The following ANO2 variants were observed in gnomAD, a reference collection of about 807,000 sequenced individuals.
ANO2 encodes anoctamin-2.
In ANO2, 101 loss-of-function variants were observed where a neutral mutation model predicts 124.2. That is an observed-to-expected ratio of 0.81 (90% CI 0.69 to 0.96). ANO2 has a LOEUF of 0.96. Ranked by LOEUF, ANO2 falls within the 40% of genes least tolerant of loss-of-function variation. The pLI is 0.00. For synonymous variants in ANO2, 486 were observed against 482.5 expected, an observed-to-expected ratio of 1.01 and a Z score of -0.09; for missense variants, 1,293 against 1,274.5, an observed-to-expected ratio of 1.01 and a Z score of -0.22.
chr12:5,609,950 A>C (rs2136900082), intron 19 of ANO2, among the ~76,000 whole-genome samples: 1 of 144,562 alleles, frequency 6.9e-6, no homozygotes, highest in East Asian at 2.0e-4. Context: ...TATTTTATAA[A>C]ATGTATACAT....
At chr12:5,741,883 ATT>A (rs892516566) in intron 12 of ANO2, among the ~76,000 whole-genome samples, 13 of 152,286 alleles carry the variant, frequency 8.5e-5, no homozygotes, top group Admixed American at 6.5e-4. Flanking sequence ...TTAGGTTCAC[ATT>A]TACCTGCCAT....
At chr12:5,822,681 G>C (rs961440780) in intron 7 of ANO2, among the ~76,000 whole-genome samples, 38 of 152,216 alleles carry the variant, frequency 2.5e-4, no homozygotes. Flanking sequence ...ATCATGGAAA[G>C]GGCAGAGGTT....
chr12:5,587,942 C>T (rs185464214), intron 20 of ANO2, among the ~76,000 whole-genome samples: 1 of 152,326 alleles, frequency 6.6e-6, no homozygotes, highest in African/African-American at 2.4e-5. Context: ...ACATCTCCCC[C>T]TGCTGCCTCC....
At chr12:5,564,833 G>A (rs934764859) in intron 24 of ANO2, among the ~76,000 whole-genome samples, 1 of 152,176 alleles carries the variant, frequency 6.6e-6, no homozygotes, top group African/African-American at 2.4e-5. Context: ...TTCTGGGCTG[G>A]GGTCTGGGGG....
intron 1 of ANO2, among the ~76,000 whole-genome samples, 159 bp from the exon 2 acceptor site, chr12:5,922,963 A>G (rs12817045): frequency 0.6 from 91,014 of 151,304 alleles, 27,808 homozygotes; most frequent in East Asian, 0.8. Flanking sequence ...GTTCACACTG[A>G]CCACAAGGAA....
At chr12:5,937,397 T>A (rs1472695146) in intron 1 of ANO2, among the ~76,000 whole-genome samples, 1 of 152,238 alleles carries the variant, frequency 6.6e-6, no homozygotes, top group Non-Finnish European at 1.5e-5. Context: ...GCCTATTTTT[T>A]AATTAGGTTA....
At chr12:5,773,921 T>C (rs1952155259) in intron 10 of ANO2, among the ~76,000 whole-genome samples, 1 of 152,182 alleles carries the variant, frequency 6.6e-6, no homozygotes, top group South Asian at 2.1e-4. Flanking sequence ...AATGACCTTA[T>C]CTCATTGAGT....
At chr12:5,808,057 AT>A (rs1158479262) in intron 7 of ANO2, among the ~76,000 whole-genome samples, 1 of 152,248 alleles carries the variant, frequency 6.6e-6, no homozygotes, top group African/African-American at 2.4e-5. Context: ...GTGTTTGTGT[AT>A]TCTTGCACTT....
chr12:5,734,266 T>C (rs1198588261), intron 13 of ANO2, among the ~76,000 whole-genome samples: 1 of 152,272 alleles, frequency 6.6e-6, no homozygotes, highest in African/African-American at 2.4e-5. Flanking sequence ...AACTTTTGCC[T>C]GTAACAATTA....
At chr12:5,655,833 G>A (rs879936667) in intron 14 of ANO2, among the ~76,000 whole-genome samples, 18 of 152,284 alleles carry the variant, frequency 1.2e-4, no homozygotes, top group East Asian at 1.9e-4. Flanking sequence ...CTCTCATGTC[G>A]TGCAATGCTC....
chr12:5,915,665 G>A (rs1367156030), intron 3 of ANO2, among the ~76,000 whole-genome samples: 2 of 152,172 alleles, frequency 1.3e-5, no homozygotes, highest in Admixed American at 6.5e-5. Context: ...CTGCCACCAG[G>A]TGCAGTCAAG....
Position 5,769,842 on chromosome 12 carries a change from TC to T in ANO2, c.1056-18873del, listed in dbSNP as rs1952017741. Among the ~76,000 whole-genome samples, 2 of 152,162 alleles carry T rather than the reference TC, an allele frequency of 1.3e-5. No homozygotes were observed. Among genetic ancestry groups the T allele is most frequent in the African/African-American group, 4.8e-5 (2 of 41,434 alleles). On this transcript the variant is annotated intron_variant, in intron 10 of 24. Coordinates refer to ENST00000682330, the MANE Select transcript of ANO2 (RefSeq NM_001364791.2). The surrounding 1 kb of genome is among the most constrained non-coding windows in gnomAD (Gnocchi z 4.0). ...AACAAATGGCTTGTGAAGGGTCCTT[TC>T]CCTGGGTATTATACACAGCCCCACC...
intron 14 of ANO2, among the ~76,000 whole-genome samples, chr12:5,669,571 T>C (rs898820358): frequency 6.6e-6 from 1 of 152,228 alleles, no homozygotes; most frequent in South Asian, 2.1e-4. Flanking sequence ...TCCAATACTA[T>C]GTTGAATAGG....
At chr12:5,920,076 GATGGATGC>G (rs1445731977) in intron 3 of ANO2, among the ~76,000 whole-genome samples, 4 of 108,840 alleles carry the variant, frequency 3.7e-5, no homozygotes, top group African/African-American at 8.5e-5. Context: ...TGGATGGATG[GATGGATGC>G]ATGCATGCAT....
chr12:5,795,001 G>A (rs138317550), intron 10 of ANO2, among the ~76,000 whole-genome samples: 1,530 of 152,274 alleles, frequency 0.01, 27 homozygotes, highest in African/African-American at 0.034. Flanking sequence ...TGGCTTCCTC[G>A]GTCTCCCTCC....
intron 12 of ANO2, chr12:5,740,118 C>T (rs1197516869): frequency 7.6e-6 from 3 of 395,574 alleles, no homozygotes; most frequent in Non-Finnish European, 1.5e-5. Context: ...GAACCTGATA[C>T]CCCCACGAGC....
chr12:5,655,444 G>A (rs1029543833), intron 14 of ANO2, among the ~76,000 whole-genome samples: 3 of 152,190 alleles, frequency 2.0e-5, no homozygotes, highest in African/African-American at 7.2e-5. Context: ...CTCTGGAATG[G>A]GGCCTGAGAA....
intron 4 of ANO2, among the ~76,000 whole-genome samples, chr12:5,839,231 A>G (rs1205638188): frequency 6.6e-6 from 1 of 152,152 alleles, no homozygotes; most frequent in African/African-American, 2.4e-5. Context: ...GGAGAGCAAG[A>G]CAACTAGAGT....
chr12:5,941,690 C>G (rs973166548), intron 1 of ANO2, among the ~76,000 whole-genome samples: 2 of 148,868 alleles, frequency 1.3e-5, no homozygotes, highest in Non-Finnish European at 3.0e-5. Flanking sequence ...GAAAACCACA[C>G]CTAGATACAT....
Sources: gnomAD v4.1 joint callset for allele counts (sites outside exome capture counted in the v4.1 genomes callset) on GRCh38, gnomAD v4.1.1 for gene constraint, Gnocchi (gnomAD v3.1) non-coding constraint, MANE v1.5 for transcripts, NCBI Gene and HGNC (gene_info 2026-07-23, HGNC 2026-07-21) for gene names.